The following SLC35D2 variants were observed in gnomAD, a reference collection of about 807,000 sequenced individuals.
The protein encoded by SLC35D2 is nucleotide sugar transporter SLC35D2.
In SLC35D2, 43 loss-of-function variants were observed where a neutral mutation model predicts 41.8. The ratio of observed to expected loss-of-function variants is 1.03; its 90% CI spans 0.81 to 1.33. SLC35D2 has a LOEUF of 1.33. Ranked by LOEUF, SLC35D2 falls within the 40% of genes most tolerant of loss-of-function variation. The pLI is 0.00. For missense variants in SLC35D2, 380 were observed against 408.4 expected, an observed-to-expected ratio of 0.93 and a Z score of 0.60; for synonymous variants, 150 against 163.9, an observed-to-expected ratio of 0.92 and a Z score of 0.65.
At chr9:96,374,641 T>G (rs1474533341) in intron 1 of SLC35D2, among the ~76,000 whole-genome samples, 2 of 151,104 alleles carry the variant, frequency 1.3e-5, no homozygotes, top group East Asian at 3.9e-4. Flanking sequence ...GAGACCATCC[T>G]AGCTAGGACG....
At chr9:96,383,449 G>T in intron 1 of SLC35D2, 28 bp downstream of exon 1, 1 of 1,499,448 alleles carries the variant, frequency 6.7e-7, no homozygotes, top group Non-Finnish European at 8.9e-7. Flanking sequence ...CACTCCCGCA[G>T]ACCCCCCGGC....
At chr9:96,363,168 A>AT (rs1198865886) in intron 3 of SLC35D2, among the ~76,000 whole-genome samples, 10,381 of 131,408 alleles carry the variant, frequency 0.079, 1,222 homozygotes, top group African/African-American at 0.26. Context: ...CACCTGGCTT[A>AT]TTTTTTTTTT....
chr9:96,364,536 T>C lies in SLC35D2; in HGVS notation c.207A>G (p.Ile69Met). ...TTAGCTTGGACACATATAGTATCAT[T>C]ATGGTGGCTGCCATCTGAAGAAAAG... ...FLGIGQMAATIMILYVSKLNK... is the reference protein window; with the variant it reads ...FLGIGQMAATMMILYVSKLNK... Residue 69 changes from isoleucine (I) to methionine (M), a missense_variant, in exon 3 of 12, where the codon ATA becomes ATG. Transcript: ENST00000253270. 1 of 1,603,600 alleles carries C rather than the reference T, an allele frequency of 6.2e-7. No individual in the cohort carries two copies.
rs114234538 is a variant in SLC35D2 at position 96,347,445 on chromosome 9, C to A, written c.489-2044G>T. 5.6e-3 allele frequency among the ~76,000 whole-genome samples: 848 copies of A among 152,324 alleles called. 9 individuals carry two copies. The highest frequency in any genetic ancestry group is 0.019 in the African/African-American group (776 of 41,574). On this transcript the variant is annotated intron_variant, in intron 6 of 11. Coordinates refer to ENST00000253270, the MANE Select transcript of SLC35D2 (RefSeq NM_007001.3). ...AATTTACTTGTTTAATCAATTAGAG[C>A]AGATTCATGTAACCCTTGCAGTTGT...
intron 3 of SLC35D2, among the ~76,000 whole-genome samples, chr9:96,361,618 G>A (rs550451627): frequency 3.9e-5 from 6 of 152,080 alleles, no homozygotes; most frequent in African/African-American, 1.4e-4. Flanking sequence ...CCATGAGTTC[G>A]AAGCTGCAGT....
chr9:96,334,528 C>T (rs960696807), intron 9 of SLC35D2, among the ~76,000 whole-genome samples: 3 of 152,078 alleles, frequency 2.0e-5, no homozygotes, highest in African/African-American at 7.2e-5. Context: ...ATCCCAGCTA[C>T]TCAGGAGGCT....
intron 4 of SLC35D2, among the ~76,000 whole-genome samples, chr9:96,355,282 G>T (rs1829973596): frequency 6.6e-6 from 1 of 151,622 alleles, no homozygotes; most frequent in Non-Finnish European, 1.5e-5. Context: ...ATCTCCCAAA[G>T]TGCTGGGACT....
In SLC35D2 at chr9:96,321,008, T is replaced by C. The variant is rs1828193747; in HGVS notation, c.*234A>G. 2.4e-6 allele frequency: 1 copy of C among 418,242 alleles called. No individual in the cohort carries two copies. Among genetic ancestry groups the C allele is most frequent in the African/African-American group, 2.1e-5 (1 of 48,768 alleles). The allele number at this position is 418,242 out of a possible 1,614,324, so 25.9% of individuals were successfully genotyped here. A position where few individuals can be genotyped will look rare whatever the true frequency, so the allele number is the denominator to read the frequency against. On this transcript the variant is annotated 3_prime_UTR_variant, in exon 12 of 12. Transcript: ENST00000253270. ...TGGGGCTCCACCTACCGAGTCCCAG[T>C]GGCTTATTTTGAAAAGATTTGCTTT...
intron 9 of SLC35D2, among the ~76,000 whole-genome samples, chr9:96,326,473 A>G (rs1470773989): frequency 1.3e-5 from 2 of 152,070 alleles, no homozygotes; most frequent in Non-Finnish European, 2.9e-5. Flanking sequence ...AAATAAGGCA[A>G]TAATATTTGT....
rs1254708176 is a variant in SLC35D2 at position 96,345,342 on chromosome 9, G to C, written c.548C>G (p.Thr183Arg). 6.2e-7 allele frequency: 1 copy of C among 1,612,218 alleles called. No individual in the cohort carries two copies. Among genetic ancestry groups the C allele is most frequent in the Non-Finnish European group, 8.5e-7 (1 of 1,178,742 alleles). Reference protein sequence around the residue: ...YIFVFLNDIFTAANGVYTKQK... With the variant: ...YIFVFLNDIFRAANGVYTKQK... ...TTTGGTATAAACTCCATTTGCTGCTGTGAAGATATCATTCAGGAATACAAA... is the reference window on the plus strand; with the variant it reads ...TTTGGTATAAACTCCATTTGCTGCTCTGAAGATATCATTCAGGAATACAAA... Residue 183 changes from threonine to arginine, a missense_variant, in exon 7 of 12, where the codon ACA becomes AGA. By Grantham distance (71) the Thr-to-Arg change is moderately conservative (BLOSUM62 -1). Transcript: ENST00000253270.
intron 1 of SLC35D2, among the ~76,000 whole-genome samples, chr9:96,372,904 TTTG>T (rs960137090): frequency 6.7e-6 from 1 of 150,114 alleles, no homozygotes; most frequent in African/African-American, 2.4e-5. Flanking sequence ...CTTTTGTTTT[TTTG>T]TTTTTTTTTT....
chr9:96,342,483 T>C (rs149981839), intron 8 of SLC35D2, among the ~76,000 whole-genome samples: 217 of 152,218 alleles, frequency 1.4e-3, no homozygotes, highest in Non-Finnish European at 1.8e-3. Context: ...CAGTTTAAAA[T>C]TGATTGATGG....
intron 1 of SLC35D2, among the ~76,000 whole-genome samples, chr9:96,371,409 T>C (rs1830668698): frequency 7.5e-6 from 1 of 133,294 alleles, no homozygotes; most frequent in South Asian, 2.4e-4. Context: ...AGGCAGAGGT[T>C]GCAGTGAGCT....
chr9:96,360,556 C>T (rs1483615321), intron 3 of SLC35D2, among the ~76,000 whole-genome samples: 14 of 126,678 alleles, frequency 1.1e-4, no homozygotes, highest in East Asian at 2.8e-4. Context: ...TTGAACCCGG[C>T]GGGCAGAGGT....
chr9:96,379,812 T>C (rs1831114664), intron 1 of SLC35D2, among the ~76,000 whole-genome samples: 1 of 152,192 alleles, frequency 6.6e-6, no homozygotes, highest in East Asian at 1.9e-4. Context: ...AAAAGGATTA[T>C]GAGGGTTTTG....
chr9:96,329,696 C>T (rs987644187), intron 9 of SLC35D2, among the ~76,000 whole-genome samples: 13 of 148,212 alleles, frequency 8.8e-5, no homozygotes, highest in Non-Finnish European at 1.5e-4. Context: ...TCTGCTTTTG[C>T]GGCACCAATA....
At chr9:96,325,578 G>A (rs12686411) in intron 9 of SLC35D2, among the ~76,000 whole-genome samples, 20,290 of 152,186 alleles carry the variant, frequency 0.13, 1,809 homozygotes, top group East Asian at 0.29. Flanking sequence ...AGCTACTCGG[G>A]AGGATGAAGC....
intron 11 of SLC35D2, 100 bp downstream of exon 11, chr9:96,321,898 C>T (rs532137081): frequency 3.9e-5 from 27 of 697,460 alleles, no homozygotes; most frequent in African/African-American, 2.2e-4. Flanking sequence ...CCTGGCTTAA[C>T]GTGAAAGACT....
chr9:96,344,032 A>G (rs1319973146), intron 7 of SLC35D2, 36 bp from the exon 8 acceptor site: 7 of 1,358,096 alleles, frequency 5.2e-6, no homozygotes, highest in Non-Finnish European at 7.2e-6. Context: ...ACTCAGTTTC[A>G]GAAACGTGAG....
Sources: gnomAD v4.1 joint callset for allele counts (sites outside exome capture counted in the v4.1 genomes callset) on GRCh38, gnomAD v4.1.1 for gene constraint, MANE v1.5 for transcripts, NCBI Gene and HGNC (gene_info 2026-07-23, HGNC 2026-07-21) for gene names.